The following SCN8A variants were observed in gnomAD, a reference collection of about 807,000 sequenced individuals.
SCN8A encodes the protein sodium voltage-gated channel alpha subunit 8, also known as sodium channel protein type 8 subunit alpha.
SCN8A carries 30 observed loss-of-function variants against 184.1 expected under a neutral mutation model. The observed-to-expected ratio is 0.16, with a 90% CI of 0.12 to 0.22. The LOEUF (loss-of-function observed/expected upper bound fraction) is 0.22. SCN8A is among the 10% of genes least tolerant of loss of function. The pLI, the probability that SCN8A is intolerant of heterozygous loss-of-function variation, is 1.00. For missense variants in SCN8A, 1,057 were observed against 2,498.9 expected (o/e 0.42, Z 12.30); for synonymous variants, 852 against 907.0 (o/e 0.94, Z 1.09).
intron 1 of SCN8A, among the ~76,000 whole-genome samples, chr12:51,638,488 C>CT (rs764486546): frequency 0.017 from 2,374 of 139,590 alleles, 22 homozygotes; most frequent in Non-Finnish European, 0.023. Flanking sequence ...GGAGTTATTC[C>CT]TTTTTTTTTT....
intron 16 of SCN8A, among the ~76,000 whole-genome samples, chr12:51,767,710 A>G (rs1949256424): frequency 6.6e-6 from 1 of 152,202 alleles, no homozygotes; most frequent in Non-Finnish European, 1.5e-5. Flanking sequence ...TTTAACAAAC[A>G]TCCACACCCC....
chr12:51,749,934 T>TTC (rs1942571408), intron 13 of SCN8A, among the ~76,000 whole-genome samples: 1 of 152,184 alleles, frequency 6.6e-6, no homozygotes, highest in Admixed American at 6.5e-5. Flanking sequence ...GTTTTCAAAG[T>TTC]TCACCTCTTA....
chr12:51,743,746 A>G (rs999674830), intron 12 of SCN8A, among the ~76,000 whole-genome samples: 1 of 152,202 alleles, frequency 6.6e-6, no homozygotes, highest in African/African-American at 2.4e-5. Flanking sequence ...CCAGGTTTGT[A>G]TCCTCCCCTT....
chr12:51,783,061 T>C (rs2138897362), intron 21 of SCN8A, among the ~76,000 whole-genome samples: 1 of 152,288 alleles, frequency 6.6e-6, no homozygotes, highest in South Asian at 2.1e-4. Flanking sequence ...TAAGGGAAGC[T>C]TTGGAATAAG....
At chr12:51,644,767 C>T (rs900022881) in intron 1 of SCN8A, among the ~76,000 whole-genome samples, 6 of 151,802 alleles carry the variant, frequency 4.0e-5, no homozygotes, top group African/African-American at 7.3e-5. Flanking sequence ...TCTGCCCGGC[C>T]GCCATCCCAT....
chr12:51,696,109 C>T (rs1325918476), intron 6 of SCN8A, among the ~76,000 whole-genome samples: 4 of 152,216 alleles, frequency 2.6e-5, no homozygotes, highest in Non-Finnish European at 5.9e-5. Flanking sequence ...CAAAAGACAG[C>T]TTACAGCTCA....
At chr12:51,646,321 G>A (rs1477695902) in intron 1 of SCN8A, among the ~76,000 whole-genome samples, 2 of 152,210 alleles carry the variant, frequency 1.3e-5, no homozygotes, top group Non-Finnish European at 2.9e-5. Context: ...GGGCCACACA[G>A]CCTTTTGCAA....
intron 14 of SCN8A, among the ~76,000 whole-genome samples, chr12:51,754,943 C>T (rs1468104523): frequency 6.6e-6 from 1 of 152,210 alleles, no homozygotes; most frequent in African/African-American, 2.4e-5. Context: ...GTCTGCCAGG[C>T]TTTTCATCTG....
At chr12:51,687,366 C>T in intron 5 of SCN8A, 147 bp downstream of exon 5, 1 of 882,754 alleles carries the variant, frequency 1.1e-6, no homozygotes, top group Non-Finnish European at 1.7e-6. Context: ...GGGCTTATGT[C>T]TATGATTCTT....
chr12:51,744,054 C>T (rs771363263), intron 12 of SCN8A, among the ~76,000 whole-genome samples: 1 of 152,200 alleles, frequency 6.6e-6, no homozygotes, highest in Non-Finnish European at 1.5e-5. Context: ...GTAATCCCAG[C>T]GTTTTGGAAG....
At chr12:51,723,525 G>A (rs921692605) in intron 12 of SCN8A, among the ~76,000 whole-genome samples, 1 of 152,070 alleles carries the variant, frequency 6.6e-6, no homozygotes, top group Admixed American at 6.5e-5. Context: ...CCTTATGTTT[G>A]TATAGCTTTT....
At chr12:51,680,511 C>T (rs966762622) in intron 2 of SCN8A, among the ~76,000 whole-genome samples, 4 of 152,124 alleles carry the variant, frequency 2.6e-5, no homozygotes, top group African/African-American at 9.7e-5. Flanking sequence ...TTCTTCTTCT[C>T]CTTTTCCCTC....
Position 51,663,026 on chromosome 12 carries a change from G to C in SCN8A, c.209G>C (p.Gly70Ala). The change falls in exon 2 of 27, where the codon GGG (glycine) becomes GCG (alanine). Residue 70 changes from glycine to alanine, a missense_variant. By Grantham distance (60) the Gly-to-Ala change is moderately conservative (BLOSUM62 0). Coordinates refer to ENST00000627620, the MANE Select transcript of SCN8A (RefSeq NM_001330260.2). ...EAGKSLPFIY[G>A]DIPQGLVAVP... ...GGGAAGAGTTTGCCTTTCATCTACG[G>C]GGACATCCCCCAAGGCCTGGTTGCA... 1.9e-6 allele frequency: 3 copies of C among 1,614,034 alleles called. No individual in the cohort carries two copies.
intron 2 of SCN8A, among the ~76,000 whole-genome samples, chr12:51,678,519 C>A (rs1212337289): frequency 1.3e-5 from 2 of 152,210 alleles, no homozygotes; most frequent in Admixed American, 6.5e-5. Flanking sequence ...GATATCAGTG[C>A]TGGAAAGGAC....
chr12:51,593,380 T>C (rs752143754), intron 1 of SCN8A, among the ~76,000 whole-genome samples: 2 of 152,218 alleles, frequency 1.3e-5, no homozygotes, highest in African/African-American at 4.8e-5. Flanking sequence ...AGATCAGTTA[T>C]TGGTTTCTTG....
chr12:51,721,105 A>ATATATATATATATATG (rs1565899386), intron 11 of SCN8A, among the ~76,000 whole-genome samples: 1 of 107,914 alleles, frequency 9.3e-6, no homozygotes, highest in African/African-American at 3.8e-5. Context: ...ATATATATAT[A>ATATATATATATATATG]TAATATTTAT....
At chr12:51,796,381 T>C (rs746317855) in intron 26 of SCN8A, among the ~76,000 whole-genome samples, 8 of 152,170 alleles carry the variant, frequency 5.3e-5, no homozygotes, top group African/African-American at 1.2e-4. Flanking sequence ...CTTGAAACTT[T>C]CCTGGCCACT....
rs1275858718 is a variant in SCN8A, at chr12:51,769,860, G to T, written c.3373-8G>T. The T allele has an allele frequency of 6.4e-7, 1 of 1,572,086 alleles. No individual in the cohort carries two copies. The highest frequency in any genetic ancestry group is 2.3e-5 in the East Asian group (1 of 43,570). ...GCTGCCTGATCTCCCTTTTCCTTGC[G>T]TGTCTAGAAACTAGATGACACCAGC... On this transcript the variant is annotated splice_polypyrimidine_tract_variant and splice_region_variant and intron_variant, in intron 17 of 26. Transcript: ENST00000627620.
Position 51,686,455 on chromosome 12 carries a change from G to A in SCN8A, c.483G>A (p.Val161=), listed in dbSNP as rs1357304590. ...FSNPPDWSKN[V]EYTFTGIYTF... ...ACCCTCCTGACTGGTCGAAGAATGTGGAGTAAGTAACTCATTTATGTGTGT... is the reference window on the plus strand; with the variant it reads ...ACCCTCCTGACTGGTCGAAGAATGTAGAGTAAGTAACTCATTTATGTGTGT... Residue 161 remains valine, a splice_region_variant and synonymous_variant, in exon 4 of 27, where the codon GTG becomes GTA. Transcript: ENST00000627620. 1.3e-6 allele frequency: 2 copies of A among 1,590,398 alleles called. No homozygotes were observed. The highest frequency in any genetic ancestry group is 1.1e-5 in the South Asian group (1 of 90,412).
Sources: allele counts gnomAD v4.1 joint callset (sites outside exome capture counted in the v4.1 genomes callset), GRCh38; gene constraint gnomAD v4.1.1; transcripts MANE v1.5; gene names NCBI Gene and HGNC (gene_info 2026-07-23, HGNC 2026-07-21).